LPA: variants seen among roughly 807,000 people sequenced by gnomAD.
The protein encoded by LPA is lipoprotein(a).
A neutral mutation model predicts 197.9 loss-of-function variants in LPA; 199 were observed. The ratio of observed to expected loss-of-function variants is 1.01; its 90% confidence interval spans 0.90 to 1.13. The LOEUF (loss-of-function observed/expected upper bound fraction) is 1.13. Among genes scored for constraint, LPA ranks in the 50% most tolerant of loss-of-function variants. The pLI is 0.00. For missense variants in LPA, 1,853 were observed against 1,785.8 expected, an observed-to-expected ratio of 1.04 and a Z score of -0.68; for synonymous variants, 715 against 639.5, an observed-to-expected ratio of 1.12 and a Z score of -1.78.
chr6:160,576,388 A>ATG (rs1491212490), intron 28 of LPA, among the ~76,000 whole-genome samples: 17 of 50,222 alleles, frequency 3.4e-4, no homozygotes, highest in South Asian at 1.3e-3. Context: ...ATATATATAT[A>ATG]TGTATATATA....
At chr6:160,576,694 A>G (rs200985151) in intron 28 of LPA, among the ~76,000 whole-genome samples, 1,048 of 84,092 alleles carry the variant, frequency 0.012, 6 homozygotes, top group Non-Finnish European at 0.02. Flanking sequence ...GTGTGTGTAT[A>G]TATATATATA....
chr6:160,609,500 A>T (rs1245342103), intron 16 of LPA, among the ~76,000 whole-genome samples: 2 of 152,014 alleles, frequency 1.3e-5, no homozygotes, highest in Non-Finnish European at 2.9e-5. Flanking sequence ...TTGAACTGTG[A>T]TGTAGAGAAG....
intron 31 of LPA, 98 bp downstream of exon 31, chr6:160,548,380 A>G: frequency 8.0e-7 from 1 of 1,250,738 alleles, no homozygotes; most frequent in Non-Finnish European, 1.2e-6. Context: ...GTAGCACTAA[A>G]GGCTTCTGCA....
chr6:160,609,807 ATG>A (rs751535270), intron 16 of LPA, among the ~76,000 whole-genome samples: 11 of 151,168 alleles, frequency 7.3e-5, no homozygotes, highest in East Asian at 1.9e-4. Context: ...GAGTTTTTGC[ATG>A]TGTGTGTGTA....
chr6:160,658,592 A>G (rs1272626798), intron 1 of LPA, among the ~76,000 whole-genome samples: 1 of 152,176 alleles, frequency 6.6e-6, no homozygotes, highest in Non-Finnish European at 1.5e-5. Flanking sequence ...GTATAGAGTC[A>G]CTAAACTCCT....
At chr6:160,648,507 T>C (rs1004580643) in intron 2 of LPA, among the ~76,000 whole-genome samples, 12 of 152,160 alleles carry the variant, frequency 7.9e-5, no homozygotes, top group Non-Finnish European at 1.6e-4. Flanking sequence ...TTTTATGTTT[T>C]CCTTTATGTC....
chr6:160,620,901 AGT>A (rs1562346721), intron 12 of LPA, among the ~76,000 whole-genome samples: 1 of 41,074 alleles, frequency 2.4e-5, no homozygotes, highest in Non-Finnish European at 4.1e-5. Flanking sequence ...GTGTGTTTTC[AGT>A]TTGTGTGTGT....
chr6:160,561,088 T>A (rs965621502), intron 28 of LPA, among the ~76,000 whole-genome samples: 6 of 152,094 alleles, frequency 3.9e-5, no homozygotes, highest in African/African-American at 1.4e-4. Flanking sequence ...TTTTTGTATT[T>A]TTAGTAGAGA....
intron 1 of LPA, among the ~76,000 whole-genome samples, chr6:160,653,837 T>C (rs1780047913): frequency 7.1e-6 from 1 of 140,482 alleles, no homozygotes; most frequent in South Asian, 2.2e-4. Flanking sequence ...TCCTGGGATA[T>C]AAGGTTGGTT....
intron 18 of LPA, 50 bp from the exon 19 acceptor site, chr6:160,601,148 G>A: frequency 6.5e-7 from 1 of 1,529,322 alleles, no homozygotes. Flanking sequence ...ACATATGCAG[G>A]AACACTGTAT....
chr6:160,531,915 A>C (rs764468243), intron 38 of LPA, 25 bp from the exon 39 acceptor site: 1 of 1,613,800 alleles, frequency 6.2e-7, no homozygotes, highest in Non-Finnish European at 8.5e-7. Flanking sequence ...GGGAAAATTC[A>C]TGTGAGCTTT....
At chr6:160,563,162 G>A (rs920340038) in intron 28 of LPA, among the ~76,000 whole-genome samples, 1 of 152,116 alleles carries the variant, frequency 6.6e-6, no homozygotes, top group Non-Finnish European at 1.5e-5. Context: ...TGATGTTAGG[G>A]TGTTGATTTT....
At chr6:160,538,341 C>T (rs1025113053) in intron 36 of LPA, among the ~76,000 whole-genome samples, 1 of 152,180 alleles carries the variant, frequency 6.6e-6, no homozygotes, top group Admixed American at 6.5e-5. Context: ...CTGGCTGAGA[C>T]ATCATCAAGA....
At chr6:160,578,097 G>C (rs1736880599) in intron 27 of LPA, among the ~76,000 whole-genome samples, 1 of 152,194 alleles carries the variant, frequency 6.6e-6, no homozygotes, top group African/African-American at 2.4e-5. Flanking sequence ...GTTTCTCTAG[G>C]ATATCATACT....
chr6:160,581,047 G>A (rs1778785412), intron 26 of LPA, among the ~76,000 whole-genome samples: 2 of 151,734 alleles, frequency 1.3e-5, no homozygotes, highest in South Asian at 4.2e-4. Flanking sequence ...CTCAGAATTA[G>A]CTGTTACATT....
At chr6:160,591,134 G>T (rs771569082) in intron 22 of LPA, 33 bp from the exon 23 acceptor site, 2 of 1,611,716 alleles carry the variant, frequency 1.2e-6, no homozygotes, top group East Asian at 2.2e-5. Flanking sequence ...GTTCACCAGA[G>T]ATGGGAGAAG....
rs1466280896 is a variant in LPA at position 160,579,437 on chromosome 6, G to C, written c.4290-733C>G. 2.6e-5 allele frequency among the ~76,000 whole-genome samples: 4 copies of C among 152,166 alleles called. No homozygotes were observed. In the East Asian group the frequency reaches 7.7e-4, roughly 29 times the overall value. ...CCTGCTCTCAGTCCATCCTCTGCTGGCTGCAGCCACTCTGGGACTGAAGGA... is the reference window on the plus strand; with the variant it reads ...CCTGCTCTCAGTCCATCCTCTGCTGCCTGCAGCCACTCTGGGACTGAAGGA... On this transcript the variant is annotated intron_variant, in intron 26 of 38. Coordinates refer to ENST00000316300, the MANE Select transcript of LPA (RefSeq NM_005577.4).
intron 16 of LPA, among the ~76,000 whole-genome samples, chr6:160,609,765 GTGTGTGTGTT>G (rs1442268833): frequency 6.6e-6 from 1 of 151,928 alleles, no homozygotes; most frequent in Admixed American, 6.6e-5. Flanking sequence ...ATGTGCATGT[GTGTGTGTGTT>G]TGTGTGTGTG....
intron 17 of LPA, among the ~76,000 whole-genome samples, chr6:160,605,885 A>G (rs1233081530): frequency 6.6e-6 from 1 of 152,166 alleles, no homozygotes; most frequent in African/African-American, 2.4e-5. Context: ...TCACAGGTAC[A>G]ACTGCCACCA....
Sources: gnomAD v4.1 joint callset for allele counts (sites outside exome capture counted in the v4.1 genomes callset) on GRCh38, gnomAD v4.1.1 for gene constraint, MANE v1.5 for transcripts, NCBI Gene and HGNC (gene_info 2026-07-23, HGNC 2026-07-21) for gene names.